ADAMTSL1: variants seen among roughly 807,000 people sequenced by gnomAD.
ADAMTSL1 encodes ADAMTS like 1.
Under a neutral mutation model 201.8 loss-of-function variants are expected in ADAMTSL1, and 126 were observed. The ratio of observed to expected loss-of-function variants is 0.62; its 90% confidence interval spans 0.54 to 0.72. ADAMTSL1 has a LOEUF of 0.72. Ranked by LOEUF, ADAMTSL1 falls within the 30% of genes least tolerant of loss-of-function variation. The pLI, the probability that ADAMTSL1 is intolerant of heterozygous loss-of-function variation, is 0.00. For synonymous variants in ADAMTSL1, 1,121 were observed against 903.4 expected, an observed-to-expected ratio of 1.24 and a Z score of -4.32; for missense variants, 2,679 against 2,277.8, an observed-to-expected ratio of 1.18 and a Z score of -3.59.
intron 1 of ADAMTSL1, among the ~76,000 whole-genome samples, chr9:17,954,416 T>C (rs1475823063): frequency 1.3e-5 from 2 of 152,196 alleles, no homozygotes; most frequent in Non-Finnish European, 2.9e-5. Context: ...CTGATTCAGA[T>C]ATATAAGAAG....
chr9:18,330,309 A>G (rs1004880540), intron 2 of ADAMTSL1, among the ~76,000 whole-genome samples: 1 of 152,022 alleles, frequency 6.6e-6, no homozygotes, highest in African/African-American at 2.4e-5. Context: ...TTTCCAGATT[A>G]TCTTCCTTCT....
intron 22 of ADAMTSL1, among the ~76,000 whole-genome samples, chr9:18,827,707 A>G (rs1160491982): frequency 1.3e-5 from 2 of 152,148 alleles, no homozygotes; most frequent in Non-Finnish European, 2.9e-5. Flanking sequence ...TATGGCTGCT[A>G]CTGTGGCTTT....
intron 1 of ADAMTSL1, among the ~76,000 whole-genome samples, chr9:18,046,652 A>G (rs1158178233): frequency 6.6e-6 from 1 of 152,162 alleles, no homozygotes; most frequent in Non-Finnish European, 1.5e-5. Context: ...ACTCTTAACT[A>G]TTTATATTAA....
chr9:18,580,523 T>C (rs1389128730), intron 4 of ADAMTSL1, among the ~76,000 whole-genome samples: 1 of 152,196 alleles, frequency 6.6e-6, no homozygotes, highest in Non-Finnish European at 1.5e-5. Flanking sequence ...ATGCATAGTC[T>C]TTCTTATTCT....
intron 23 of ADAMTSL1, among the ~76,000 whole-genome samples, chr9:18,873,463 G>A (rs1827976210): frequency 6.6e-6 from 1 of 152,132 alleles, no homozygotes; most frequent in Non-Finnish European, 1.5e-5. Context: ...TCCATTTTGA[G>A]TTGACTTTTG....
chr9:18,363,425 G>T (rs1836619060), intron 2 of ADAMTSL1, among the ~76,000 whole-genome samples: 1 of 152,190 alleles, frequency 6.6e-6, no homozygotes, highest in South Asian at 2.1e-4. Flanking sequence ...AGCATGGAAA[G>T]AACTTGGGCT....
chr9:18,550,040 G>C (rs1820706394), intron 3 of ADAMTSL1, among the ~76,000 whole-genome samples: 1 of 151,954 alleles, frequency 6.6e-6, no homozygotes, highest in Admixed American at 6.6e-5. Context: ...ACAGATGACA[G>C]CTGCTCTGGA....
At chr9:17,985,663 CA>C (rs1818897281) in intron 1 of ADAMTSL1, among the ~76,000 whole-genome samples, 1 of 152,058 alleles carries the variant, frequency 6.6e-6, no homozygotes, top group Non-Finnish European at 1.5e-5. Context: ...GCATATATTA[CA>C]TAATTATACA....
At chr9:18,099,355 A>ATATATATATATATATATATATATATTTTT (rs1239180390) in intron 1 of ADAMTSL1, among the ~76,000 whole-genome samples, 1 of 45,562 alleles carries the variant, frequency 2.2e-5, no homozygotes, top group African/African-American at 8.1e-5. Context: ...ATATATATAT[A>ATATATATATATATATATATATATATTTTT]TTTTTTTTTT....
chr9:18,505,002 C>G, intron 2 of ADAMTSL1, 46 bp downstream of exon 2: 1 of 1,572,794 alleles, frequency 6.4e-7, no homozygotes, highest in Non-Finnish European at 8.5e-7. Context: ...CCAGAGGTAG[C>G]CGGTTTGAGG....
intron 12 of ADAMTSL1, 57 bp downstream of exon 12, chr9:18,682,016 G>A: frequency 6.4e-7 from 1 of 1,554,992 alleles, no homozygotes; most frequent in Non-Finnish European, 8.8e-7. Flanking sequence ...AGTCAGGTGT[G>A]TTTTAAACTC....
At chr9:18,153,229 G>A (rs982821860) in intron 1 of ADAMTSL1, among the ~76,000 whole-genome samples, 1 of 151,912 alleles carries the variant, frequency 6.6e-6, no homozygotes, top group Non-Finnish European at 1.5e-5. Context: ...AGAGACACTG[G>A]AGCCATGGAG....
intron 1 of ADAMTSL1, among the ~76,000 whole-genome samples, chr9:18,144,042 GT>G (rs1419116503): frequency 1.3e-5 from 2 of 152,092 alleles, no homozygotes; most frequent in Non-Finnish European, 2.9e-5. Context: ...TTTTGTGGCA[GT>G]TTCTTACTAT....
chr9:18,230,869 A>G (rs1262383377), intron 2 of ADAMTSL1, among the ~76,000 whole-genome samples: 1 of 152,214 alleles, frequency 6.6e-6, no homozygotes, highest in Non-Finnish European at 1.5e-5. Flanking sequence ...TGTATTTTAT[A>G]TTAAATGAGA....
chr9:18,887,800 C>T lies in ADAMTSL1; in HGVS notation c.4250-31C>T, dbSNP rs747314439. 9 of 1,588,472 alleles carry T rather than the reference C, an allele frequency of 5.7e-6. No homozygotes were observed. The South Asian group carries it at 9.0e-5, about 16-fold the overall frequency. ...CAGCAATGTGTTCCTTATGGCTTTA[C>T]TAAGGCTTACTTCTTTTCCTCTCCT... On this transcript the variant is annotated intron_variant, in intron 23 of 28. Transcript: ENST00000380548.
intron 23 of ADAMTSL1, among the ~76,000 whole-genome samples, chr9:18,854,558 C>G (rs1288427849): frequency 6.6e-6 from 1 of 152,084 alleles, no homozygotes; most frequent in Non-Finnish European, 1.5e-5. Flanking sequence ...AATTTTGAAT[C>G]AAGTTTATTT....
chr9:18,472,665 A>C (rs1280660456), upstream of ADAMTSL1, among the ~76,000 whole-genome samples: 1 of 152,202 alleles, frequency 6.6e-6, no homozygotes, highest in East Asian at 1.9e-4. Flanking sequence ...TCACATGCCC[A>C]TTATGGCTTG....
At chr9:18,865,751 A>C (rs920372685) in intron 23 of ADAMTSL1, among the ~76,000 whole-genome samples, 1 of 150,650 alleles carries the variant, frequency 6.6e-6, no homozygotes, top group African/African-American at 2.5e-5. Context: ...GTTGATAGAG[A>C]GAGGCCTTCT....
intron 22 of ADAMTSL1, among the ~76,000 whole-genome samples, chr9:18,827,963 T>C (rs542049825): frequency 6.6e-6 from 1 of 151,734 alleles, no homozygotes; most frequent in Non-Finnish European, 1.5e-5. Context: ...ATGTCTCATT[T>C]AATCTGCAAA....
Sources: allele counts gnomAD v4.1 joint callset (sites outside exome capture counted in the v4.1 genomes callset), GRCh38; gene constraint gnomAD v4.1.1; transcripts MANE v1.5; gene names NCBI Gene and HGNC (gene_info 2026-07-23, HGNC 2026-07-21).